The following METTL15 variants were observed in gnomAD, a reference collection of about 807,000 sequenced individuals.
METTL15 encodes methyltransferase 15, mitochondrial 12S rRNA N4-cytidine.
A neutral mutation model predicts 38.3 loss-of-function variants in METTL15; 34 were observed. That is an observed-to-expected ratio of 0.89 (90% CI 0.68 to 1.18). The LOEUF (loss-of-function observed/expected upper bound fraction) is 1.18. METTL15 is among the 50% of genes most tolerant of loss of function. The pLI, the probability that METTL15 is intolerant of heterozygous loss-of-function variation, is 0.00. For missense variants in METTL15, 438 were observed against 498.4 expected (o/e 0.88, Z 1.15); for synonymous variants, 162 against 170.9 (o/e 0.95, Z 0.41).
At chr11:28,387,290 C>T (rs1590355894) in intron 5 of METTL15, among the ~76,000 whole-genome samples, 1 of 151,426 alleles carries the variant, frequency 6.6e-6, no homozygotes, top group East Asian at 1.9e-4. Context: ...AAAAGAGCAA[C>T]AAAATTGACA....
chr11:28,188,110 TA>T (rs1386488677), intron 3 of METTL15, among the ~76,000 whole-genome samples: 1 of 151,328 alleles, frequency 6.6e-6, no homozygotes, highest in Non-Finnish European at 1.5e-5. Context: ...TTGTGGCATT[TA>T]AAAATATAGT....
intron 3 of METTL15, among the ~76,000 whole-genome samples, chr11:28,174,988 G>T (rs1222319564): frequency 4.0e-5 from 6 of 151,062 alleles, no homozygotes; most frequent in African/African-American, 1.5e-4. Flanking sequence ...GGGTACATGT[G>T]CACAACGTGC....
chr11:28,142,159 G>T (rs1849721110), intron 3 of METTL15, among the ~76,000 whole-genome samples: 1 of 152,146 alleles, frequency 6.6e-6, no homozygotes, highest in African/African-American at 2.4e-5. Context: ...AATTGACTTT[G>T]TTTATGATTC....
chr11:28,218,953 C>T (rs769017989), intron 4 of METTL15, among the ~76,000 whole-genome samples: 36 of 152,208 alleles, frequency 2.4e-4, no homozygotes, highest in African/African-American at 4.1e-4. Context: ...TTGCTGGATT[C>T]GGTTTGCCAG....
At chr11:28,177,337 T>C (rs963354264) in intron 3 of METTL15, among the ~76,000 whole-genome samples, 6 of 152,010 alleles carry the variant, frequency 3.9e-5, no homozygotes, top group Admixed American at 3.9e-4. Context: ...TTAAAAAAAG[T>C]ACTTGGCCTG....
chr11:28,469,685 A>G (rs1215612710), intron 6 of METTL15, among the ~76,000 whole-genome samples: 2 of 152,134 alleles, frequency 1.3e-5, no homozygotes, highest in East Asian at 3.9e-4. Flanking sequence ...GAGCTGTTAC[A>G]AGAATGTCTA....
At chr11:28,174,089 A>G (rs1850961454) in intron 3 of METTL15, among the ~76,000 whole-genome samples, 1 of 152,222 alleles carries the variant, frequency 6.6e-6, no homozygotes, top group South Asian at 2.1e-4. Flanking sequence ...CACTAAGCAC[A>G]GTGCATACTT....
intron 3 of METTL15, among the ~76,000 whole-genome samples, chr11:28,175,813 TG>T (rs1178535700): frequency 2.0e-5 from 3 of 152,194 alleles, no homozygotes; most frequent in Non-Finnish European, 4.4e-5. Context: ...TCATTTTCTT[TG>T]ATCACTGTAA....
intron 3 of METTL15, among the ~76,000 whole-genome samples, chr11:28,152,188 G>A (rs1850113533): frequency 6.6e-6 from 1 of 151,648 alleles, no homozygotes; most frequent in Non-Finnish European, 1.5e-5. Context: ...AGATCATGGA[G>A]CTAGGAAATG....
intron 5 of METTL15, among the ~76,000 whole-genome samples, chr11:28,290,940 CT>C (rs1177087089): frequency 6.6e-6 from 1 of 151,902 alleles, no homozygotes; most frequent in Non-Finnish European, 1.5e-5. Flanking sequence ...AATAAGATAT[CT>C]TTTACACCTC....
intron 7 of METTL15, chr11:28,526,557 G>A (rs760031430): frequency 1.3e-5 from 2 of 152,178 alleles, no homozygotes; most frequent in African/African-American, 2.4e-5. Flanking sequence ...GAGAGTCCCT[G>A]TTACATGAGT....
At chr11:28,244,161 A>G (rs1343813136) in intron 4 of METTL15, among the ~76,000 whole-genome samples, 2 of 152,242 alleles carry the variant, frequency 1.3e-5, no homozygotes, top group African/African-American at 2.4e-5. Context: ...TTATTTGTGC[A>G]GAATTCTAGA....
chr11:28,320,282 ATGG>A (rs577876923), intron 6 of METTL15, among the ~76,000 whole-genome samples: 1 of 150,848 alleles, frequency 6.6e-6, no homozygotes, highest in Non-Finnish European at 1.5e-5. Flanking sequence ...AAAGTAAGGC[ATGG>A]TGGTTAACGG....
chr11:28,362,888 C>T (rs896239141), intron 5 of METTL15, among the ~76,000 whole-genome samples: 3 of 152,150 alleles, frequency 2.0e-5, no homozygotes, highest in African/African-American at 7.2e-5. Flanking sequence ...TATATGCCCA[C>T]AAATGAACAG....
intron 4 of METTL15, among the ~76,000 whole-genome samples, chr11:28,226,628 T>C (rs534210310): frequency 1.5e-4 from 23 of 152,082 alleles, no homozygotes; most frequent in Admixed American, 1.1e-3. Flanking sequence ...CTCGAACTCA[T>C]AGCGTCAGGT....
chr11:28,285,726 G>A (rs1856233958), intron 4 of METTL15, among the ~76,000 whole-genome samples: 1 of 151,974 alleles, frequency 6.6e-6, no homozygotes, highest in African/African-American at 2.4e-5. Flanking sequence ...TCCTTCCTTG[G>A]GACAATTTAA....
intron 3 of METTL15, among the ~76,000 whole-genome samples, chr11:28,208,914 T>G (rs1017919689): frequency 2.0e-5 from 3 of 152,004 alleles, no homozygotes; most frequent in African/African-American, 7.2e-5. Flanking sequence ...AAATGAGAGT[T>G]GATGGCTCCA....
At chr11:28,480,307 C>A (rs889690072) in intron 6 of METTL15, among the ~76,000 whole-genome samples, 1 of 152,158 alleles carries the variant, frequency 6.6e-6, no homozygotes, top group Non-Finnish European at 1.5e-5. Flanking sequence ...GCTACCAACA[C>A]AACGTTACTG....
chr11:28,492,163 C>T (rs937612046), intron 6 of METTL15, among the ~76,000 whole-genome samples: 11 of 152,134 alleles, frequency 7.2e-5, no homozygotes, highest in Non-Finnish European at 1.2e-4. Context: ...ATGCAGCTGA[C>T]GCTGGTGTTA....
Sources: gnomAD v4.1 joint callset for allele counts (sites outside exome capture counted in the v4.1 genomes callset) on GRCh38, gnomAD v4.1.1 for gene constraint, MANE v1.5 for transcripts, NCBI Gene and HGNC (gene_info 2026-07-23, HGNC 2026-07-21) for gene names.